Variants in MED22 observed in about 807,000 individuals in gnomAD.
The protein encoded by MED22 is mediator of RNA polymerase II transcription subunit 22.
In MED22, 22 loss-of-function variants were observed where a neutral mutation model predicts 22.7. The ratio of observed to expected loss-of-function variants is 0.97; its 90% CI spans 0.69 to 1.38. The LOEUF is 1.38. MED22 is among the 40% of genes most tolerant of loss of function. The pLI is 0.00. For missense variants in MED22, 247 were observed against 263.0 expected (o/e 0.94, Z 0.42); for synonymous variants, 134 against 119.4 (o/e 1.12, Z -0.80).
At chr9:133,342,314 C>T (rs1836029603) in intron 4 of MED22, 3 of 986,000 alleles carry the variant, frequency 3.0e-6, no homozygotes, top group Non-Finnish European at 3.6e-6. Context: ...CTTCCCATGC[C>T]CGCAGCTGTG....
intron 4 of MED22, chr9:133,342,142 C>T (rs1197835438): frequency 2.0e-6 from 2 of 1,005,640 alleles, no homozygotes; most frequent in Non-Finnish European, 2.4e-6. Flanking sequence ...CTGGGTCTGT[C>T]CCTGCCTGAG....
chr9:133,341,910 A>G, intron 4 of MED22: 5 of 1,341,322 alleles, frequency 3.7e-6, no homozygotes, highest in Non-Finnish European at 4.7e-6. Context: ...TTCTGAAAGG[A>G]GGAAGCCGCC....
Position 133,344,127 on chromosome 9 carries a change from G to A in MED22, c.411C>T (p.Ser137=), listed in dbSNP as rs2129959549. 6 of 1,614,142 alleles carry A rather than the reference G, an allele frequency of 3.7e-6. No homozygotes were observed. The South Asian group carries it at 4.4e-5, about 12-fold the overall frequency. Residue 137 remains serine, a splice_region_variant and synonymous_variant, in exon 4 of 5, where the codon TCC becomes TCT. Coordinates refer to ENST00000343730, the MANE Select transcript of MED22 (RefSeq NM_133640.5). Reference sequence around the variant, plus strand: ...GGGGAGTCCAGCGCTATTTATACCTGGACGAGTAATACTCCTCCTCCAGCT... The same window carrying A: ...GGGGAGTCCAGCGCTATTTATACCTAGACGAGTAATACTCCTCCTCCAGCT... The part of the protein sequence containing the change: ...LYELEEEYYS[S]SSSLCEANDL...
At position 133,338,964 on chromosome 9, in the gene MED22, C is replaced by T; in HGVS notation, c.*2541G>A. ...AGGCATAAAAGCCTTTCAGCTGGAA[C>T]CGCCACCTTCCAGTAATTCGCCAAA... On this transcript the variant is annotated 3_prime_UTR_variant, in exon 5 of 5. Transcript: ENST00000343730. 3 of 677,406 alleles carry T rather than the reference C, an allele frequency of 4.4e-6. No individual in the cohort carries two copies. Among genetic ancestry groups the T allele is most frequent in the South Asian group, 1.4e-5 (1 of 73,442 alleles). 42.0% of individuals were successfully genotyped at this position (677,406 alleles called of 1,614,324 possible).
chr9:133,344,175 G>C lies in MED22; in HGVS notation c.363C>G (p.Asp121Glu), dbSNP rs146119308. The C allele has an allele frequency of 2.5e-6, 4 of 1,614,038 alleles. No individual in the cohort carries two copies. The African/African-American group carries it at 4.0e-5, about 16-fold the overall frequency. The part of the protein sequence containing the change: ...ECDRKLITLR[D>E]EISIDLYELE... ...GCTCGTAGAGGTCAATGGAGATCTC[G>C]TCTCGCAGCGTGATGAGCTTCCGGT... The change falls in exon 4 of 5, where the codon GAC becomes GAG. Residue 121 changes from aspartate to glutamate, a missense_variant. By Grantham distance (45) the Asp-to-Glu change is conservative (BLOSUM62 2). Transcript: ENST00000343730.
In MED22 at chr9:133,347,970, G is replaced by C. The variant is rs1588682386; in HGVS notation, c.-87C>G. On this transcript the variant is annotated 5_prime_UTR_variant, in exon 1 of 5. Transcript: ENST00000343730. The stretch of plus-strand genomic sequence containing the variant: ...ACGCCGCGTCCGCCGGGTCGGCCTA[G>C]GGCGGGGTGGTCAAGTGCCTCTGCG... The C allele has an allele frequency of 4.3e-6, 2 of 469,564 alleles. No homozygotes were observed. Among genetic ancestry groups the C allele is most frequent in the East Asian group, 4.3e-5 (1 of 23,214 alleles). The allele number at this position is 469,564 out of a possible 1,614,324, so 29.1% of individuals were successfully genotyped here. A position where few individuals can be genotyped will look rare whatever the true frequency, so the allele number is the denominator to read the frequency against.
chr9:133,346,354 CA>C, intron 2 of MED22, 185 bp downstream of exon 2: 1 of 679,758 alleles, frequency 1.5e-6, no homozygotes, highest in East Asian at 2.8e-5. Flanking sequence ...AATCTCCATC[CA>C]AATCCATACT....
chr9:133,348,073 A>G lies in MED22; in HGVS notation c.-190T>C. 2 of 943,378 alleles carry G rather than the reference A, an allele frequency of 2.1e-6. No homozygotes were observed. The highest frequency in any genetic ancestry group is 1.7e-6 in the Non-Finnish European group (1 of 600,794). The allele number at this position is 943,378 out of a possible 1,614,324, so 58.4% of individuals were successfully genotyped here. ...TCTTCCCCGCCGCGCCGCGGTCCGA[A>G]AACCTAGTCAGCCGCCGCAGCCTCT... On this transcript the variant is annotated 5_prime_UTR_variant, in exon 1 of 5. Transcript: ENST00000343730.
Position 133,341,637 on chromosome 9 carries a change from G to A in MED22, c.471C>T (p.Asp157=), listed in dbSNP as rs2129949823. Residue 157 remains aspartate (D), a synonymous_variant, in exon 5 of 5, where the codon GAC becomes GAT. Coordinates refer to ENST00000343730, the MANE Select transcript of MED22 (RefSeq NM_133640.5). ...LPLCEAYGRL[D]LDTDSADGLS... ...GGCCATCAGCAGAGTCTGTGTCGAG[G>A]TCCAGCCTCCCGTAAGCTTCGCACA... The A allele has an allele frequency of 5.0e-5, 80 of 1,606,372 alleles. 1 individual carries two copies. The Admixed American group carries it at 8.4e-4, about 17-fold the overall frequency.
chr9:133,339,267 C>T lies in MED22; in HGVS notation c.*2238G>A. The T allele has an allele frequency of 1.5e-6, 1 of 672,960 alleles. No individual in the cohort carries two copies. The allele number at this position is 672,960 out of a possible 1,614,324, so 41.7% of individuals were successfully genotyped here. A position where few individuals can be genotyped will look rare whatever the true frequency, so the allele number is the denominator to read the frequency against. ...CAAGAGAATGAATGTGCATATTCAG[C>T]ACACTAAGCACTCTAAGAGCCGAGA... On this transcript the variant is annotated 3_prime_UTR_variant, in exon 5 of 5. Coordinates refer to ENST00000343730, the MANE Select transcript of MED22 (RefSeq NM_133640.5).
intron 4 of MED22, chr9:133,342,491 A>G (rs1335687424): frequency 6.1e-6 from 6 of 986,834 alleles, no homozygotes; most frequent in South Asian, 4.7e-5. Flanking sequence ...GCAGAGCCAG[A>G]AAGAGCAACT....
chr9:133,343,133 C>T, intron 4 of MED22: 2 of 1,031,078 alleles, frequency 1.9e-6, no homozygotes, highest in African/African-American at 1.7e-5. Flanking sequence ...TGCAGCTCAG[C>T]AGTGCCACTG....
rs142343469 is a variant in MED22, at chr9:133,344,197, C to T, written c.341G>A (p.Arg114Gln). ...QLRTLQEECD[R>Q]KLITLRDEIS... ...CTCGTCTCGCAGCGTGATGAGCTTCCGGTCGCACTCCTCCTGCAGTGTGCG... is the reference window on the plus strand; with the variant it reads ...CTCGTCTCGCAGCGTGATGAGCTTCTGGTCGCACTCCTCCTGCAGTGTGCG... Residue 114 changes from arginine (R) to glutamine (Q), a missense_variant, in exon 4 of 5, where the codon CGG becomes CAG. Transcript: ENST00000343730. 3.1e-4 allele frequency: 505 copies of T among 1,614,072 alleles called. 8 individuals carry two copies. The South Asian group carries it at 5.1e-3, about 16-fold the overall frequency.
rs1387952634 is a variant in MED22, at chr9:133,339,692, TAA to T, written c.*1811_*1812del. 6.3e-6 allele frequency: 2 copies of T among 315,346 alleles called. No homozygotes were observed. Among genetic ancestry groups the T allele is most frequent in the South Asian group, 3.1e-5 (1 of 31,988 alleles). 19.5% of individuals were successfully genotyped at this position (315,346 alleles called of 1,614,324 possible). A position where few individuals can be genotyped will look rare whatever the true frequency, so the allele number is the denominator to read the frequency against. On this transcript the variant is annotated 3_prime_UTR_variant, in exon 5 of 5. Transcript: ENST00000343730. ...TGCCCTCAAAATAAAAAGCTTGGGA[TAA>T]AAGAGTTACATGGACTGAGAATGGG... is the stretch of plus-strand genomic sequence containing the variant.
At chr9:133,343,959 G>A (rs1443745323) in intron 4 of MED22, 166 bp downstream of exon 4, 9 of 1,454,580 alleles carry the variant, frequency 6.2e-6, no homozygotes, top group African/African-American at 4.3e-5. Flanking sequence ...GATGTGAATT[G>A]TCTGTCGGTC....
In MED22 at chr9:133,341,527, G is replaced by A; in HGVS notation, c.581C>T (p.Pro194Leu). Residue 194 changes from proline (P) to leucine (L), a missense_variant, in exon 5 of 5, where the codon CCT becomes CTT. Coordinates refer to ENST00000343730, the MANE Select transcript of MED22 (RefSeq NM_133640.5). ...AAPAHSHAGG[P>L]GPTEHA The stretch of plus-strand genomic sequence containing the variant: ...GGCTCAGGCGTGCTCAGTGGGGCCA[G>A]GGCCACCAGCATGGGAGTGGGCAGG... The A allele has an allele frequency of 2.0e-6, 3 of 1,530,840 alleles. No individual in the cohort carries two copies. The highest frequency in any genetic ancestry group is 2.4e-5 in the Admixed American group (1 of 41,096). The allele number at this position is 1,530,840 out of a possible 1,614,324, so 94.8% of individuals were successfully genotyped here.
intron 4 of MED22, 191 bp from the exon 5 acceptor site, chr9:133,341,885 A>G (rs1206826016): frequency 2.2e-6 from 3 of 1,372,400 alleles, no homozygotes; most frequent in Non-Finnish European, 2.8e-6. Flanking sequence ...GCCAGTGGTG[A>G]GAGCCACCCT....
chr9:133,343,810 G>T (rs1413568560), intron 4 of MED22: 1 of 1,400,202 alleles, frequency 7.1e-7, no homozygotes, highest in African/African-American at 1.4e-5. Context: ...ACTGCCCGAG[G>T]AGGAAGGCTC....
chr9:133,342,184 A>G, intron 4 of MED22: 1 of 990,514 alleles, frequency 1.0e-6, no homozygotes, highest in Non-Finnish European at 1.2e-6. Flanking sequence ...AGTTGGGAAC[A>G]CAGGCCCTGG....
Sources: gnomAD v4.1 joint callset for allele counts on GRCh38, gnomAD v4.1.1 for gene constraint, MANE v1.5 for transcripts, NCBI Gene and HGNC (gene_info 2026-07-23, HGNC 2026-07-21) for gene names.